Variants in CELF2 observed in about 807,000 individuals in gnomAD.
CELF2 encodes CUG triplet repeat RNA-binding protein 2.
In CELF2, 8 loss-of-function variants were observed where a neutral mutation model predicts 62.6. That is an observed-to-expected ratio of 0.13 (90% CI 0.07 to 0.23). The LOEUF (loss-of-function observed/expected upper bound fraction) is 0.23. Among genes scored for constraint, CELF2 ranks in the 10% least tolerant of loss-of-function variants. The pLI is 1.00. For missense variants in CELF2, 333 were observed against 671.0 expected, an observed-to-expected ratio of 0.50 and a Z score of 5.56; for synonymous variants, 258 against 250.0, an observed-to-expected ratio of 1.03 and a Z score of -0.30.
chr10:11,239,789 T>A (rs914547942), intron 3 of CELF2, among the ~76,000 whole-genome samples: 1 of 152,008 alleles, frequency 6.6e-6, no homozygotes, highest in African/African-American at 2.4e-5. Flanking sequence ...CAAGGCACAG[T>A]GGGTCGTGCC....
intron 2 of CELF2, among the ~76,000 whole-genome samples, chr10:11,197,129 G>A (rs556281032): frequency 1.3e-5 from 2 of 152,116 alleles, no homozygotes; most frequent in Admixed American, 6.5e-5. Context: ...CATTGTCTGC[G>A]TTGGTTGAGT....
intron 1 of CELF2, among the ~76,000 whole-genome samples, chr10:10,816,499 T>C (rs552733442): frequency 6.6e-6 from 1 of 152,300 alleles, no homozygotes; most frequent in Non-Finnish European, 1.5e-5. Context: ...CTGTGTCCCT[T>C]TTCCTATAAT....
At chr10:10,791,698 A>G in the CELF2 span, among the ~76,000 whole-genome samples, 3 of 152,152 alleles carry the variant, frequency 2.0e-5, no homozygotes, top group Non-Finnish European at 4.4e-5. Flanking sequence ...TCGTTGGGGA[A>G]TACGTTTTAT....
chr10:11,249,244 G>A (rs763198523), intron 4 of CELF2, 43 bp downstream of exon 4: 14 of 1,519,464 alleles, frequency 9.2e-6, no homozygotes, highest in Admixed American at 5.0e-5. Context: ...AATATCTGCT[G>A]CTTTAAATTA....
chr10:11,033,807 C>G (rs1473924349), intron 1 of CELF2, among the ~76,000 whole-genome samples: 2 of 152,216 alleles, frequency 1.3e-5, no homozygotes, highest in South Asian at 4.1e-4. Context: ...GTTGTACAGT[C>G]TGTACAGCAG....
chr10:11,049,570 AAAAAAAAAAAAAT>A (rs1328531956), intron 1 of CELF2, among the ~76,000 whole-genome samples: 3 of 151,022 alleles, frequency 2.0e-5, no homozygotes, highest in Non-Finnish European at 4.4e-5. Flanking sequence ...AAAAAAAAAA[AAAAAAAAAAAAAT>A]ACTAATTTTT....
intron 1 of CELF2, chr10:11,018,963 T>C (rs2057833724): frequency 6.6e-6 from 1 of 152,362 alleles, no homozygotes; most frequent in Non-Finnish European, 1.5e-5. Flanking sequence ...AGGTAATTTT[T>C]ACGTAATCAT....
intron 1 of CELF2, among the ~76,000 whole-genome samples, chr10:10,821,622 C>T (rs1302538823): frequency 6.6e-6 from 1 of 152,140 alleles, no homozygotes; most frequent in Non-Finnish European, 1.5e-5. Flanking sequence ...CCAGGGCTTA[C>T]CACAGTTGCT....
At chr10:11,317,837 G>C (rs1024448053) in intron 10 of CELF2, 2 of 152,220 alleles carry the variant, frequency 1.3e-5, no homozygotes, top group Non-Finnish European at 1.5e-5. Flanking sequence ...CCCTACTGAC[G>C]GGCCAGGTGC....
At chr10:11,132,910 G>A (rs531963917) in intron 1 of CELF2, among the ~76,000 whole-genome samples, 6 of 152,226 alleles carry the variant, frequency 3.9e-5, no homozygotes, top group South Asian at 2.1e-4. Context: ...GATAAATAAC[G>A]ATTCAGGATA....
chr10:11,252,254 A>C (rs2077374573), intron 4 of CELF2, among the ~76,000 whole-genome samples: 1 of 152,190 alleles, frequency 6.6e-6, no homozygotes, highest in African/African-American at 2.4e-5. Flanking sequence ...ATAGTTTCAA[A>C]AGCTCAAAGA....
chr10:10,923,563 C>T (rs2065125478), intron 2 of CELF2, among the ~76,000 whole-genome samples: 1 of 152,064 alleles, frequency 6.6e-6, no homozygotes, highest in Non-Finnish European at 1.5e-5. Context: ...AACAGGCAGG[C>T]GCTAAGTTTG....
At chr10:10,502,618 T>C in the CELF2 span, among the ~76,000 whole-genome samples, 4 of 152,020 alleles carry the variant, frequency 2.6e-5, no homozygotes, top group Admixed American at 6.5e-5. Context: ...TGTAATAACA[T>C]ACCCCATTTT....
At chr10:11,111,654 C>A (rs1023790361) in intron 1 of CELF2, among the ~76,000 whole-genome samples, 1 of 152,048 alleles carries the variant, frequency 6.6e-6, no homozygotes, top group African/African-American at 2.4e-5. Context: ...ACATAGGCAA[C>A]GTGCCCTATG....
intron 9 of CELF2, among the ~76,000 whole-genome samples, chr10:11,293,887 G>A (rs1316234804): frequency 1.3e-5 from 2 of 152,040 alleles, no homozygotes; most frequent in African/African-American, 2.4e-5. Context: ...TAGCGCACAC[G>A]TCTCTAAGGA....
chr10:11,298,749 G>A (rs2093430892), intron 9 of CELF2, among the ~76,000 whole-genome samples: 1 of 151,838 alleles, frequency 6.6e-6, no homozygotes, highest in Non-Finnish European at 1.5e-5. Context: ...TTAAAAAAAC[G>A]ATGTTTAAGT....
the CELF2 span, among the ~76,000 whole-genome samples, chr10:10,660,248 C>T: frequency 1.3e-5 from 2 of 152,160 alleles, no homozygotes; most frequent in Non-Finnish European, 2.9e-5. Context: ...ACAACAATAG[C>T]TATGTATGAT....
rs1197727272 is a variant in CELF2, at chr10:11,305,492, C to A, written c.977-8647C>A. Among the ~76,000 whole-genome samples the A allele has an allele frequency of 6.6e-6, 1 of 152,220 alleles. No homozygotes were observed. The highest frequency in any genetic ancestry group is 1.5e-5 in the Non-Finnish European group (1 of 68,034). ...TAGTTCACAGTTTGCCTGGGAGGAT[C>A]CCACCTGCAGTAAAATATCCGTCTG... is the stretch of plus-strand genomic sequence containing the variant. On this transcript the variant is annotated intron_variant, in intron 9 of 12. Coordinates refer to ENST00000633077, the MANE Select transcript of CELF2 (RefSeq NM_001326342.2). This position sits in a 1 kb window ranked among gnomAD's most constrained non-coding sequence, Gnocchi z 4.8.
chr10:10,590,467 C>G, the CELF2 span, among the ~76,000 whole-genome samples: 2 of 152,182 alleles, frequency 1.3e-5, no homozygotes, highest in African/African-American at 4.8e-5. Context: ...TAATAAAAGG[C>G]ACAATTTTCA....
Sources: gnomAD v4.1 joint callset for allele counts (sites outside exome capture counted in the v4.1 genomes callset) on GRCh38, gnomAD v4.1.1 for gene constraint, Gnocchi (gnomAD v3.1) non-coding constraint, MANE v1.5 for transcripts, NCBI Gene and HGNC (gene_info 2026-07-23, HGNC 2026-07-21) for gene names.